Variants in SYNJ1 observed in about 807,000 individuals in gnomAD.
The protein encoded by SYNJ1 is synaptojanin 1.
In SYNJ1, 78 loss-of-function variants were observed where a neutral mutation model predicts 168.2. The ratio of observed to expected loss-of-function variants is 0.46; its 90% CI spans 0.39 to 0.56. SYNJ1 has a LOEUF of 0.56. Ranked by LOEUF, SYNJ1 falls within the 20% of genes least tolerant of loss-of-function variation. SYNJ1 has a pLI of 0.00. For missense variants in SYNJ1, 1,303 were observed against 1,597.6 expected (o/e 0.82, Z 3.14); for synonymous variants, 539 against 548.6 (o/e 0.98, Z 0.24).
At chr21:32,690,298 C>G (rs2041975717) in intron 6 of SYNJ1, among the ~76,000 whole-genome samples, 1 of 152,216 alleles carries the variant, frequency 6.6e-6, no homozygotes, top group East Asian at 1.9e-4. Flanking sequence ...GCCTCGACCT[C>G]CTGGGCTCAA....
intron 2 of SYNJ1, among the ~76,000 whole-genome samples, chr21:32,708,532 T>G (rs1404442924): frequency 3.3e-5 from 5 of 152,242 alleles, no homozygotes; most frequent in African/African-American, 1.2e-4. Flanking sequence ...GGAGTGATTC[T>G]GAGCCCATCA....
At chr21:32,653,138 T>C (rs1209454706) in intron 22 of SYNJ1, 150 bp downstream of exon 22, 1 of 617,942 alleles carries the variant, frequency 1.6e-6, no homozygotes, top group Non-Finnish European at 2.7e-6. Context: ...AAATCCAGTC[T>C]AAATAAAAAA....
intron 26 of SYNJ1, among the ~76,000 whole-genome samples, chr21:32,644,187 G>C (rs1398698141): frequency 6.6e-6 from 1 of 151,796 alleles, no homozygotes; most frequent in Non-Finnish European, 1.5e-5. Flanking sequence ...CTTGAAAAGG[G>C]AAAAATTAAA....
chr21:32,663,968 ATAAT>A (rs904380862), intron 18 of SYNJ1, among the ~76,000 whole-genome samples: 3 of 152,248 alleles, frequency 2.0e-5, no homozygotes, highest in African/African-American at 7.2e-5. Context: ...AGTTGAAGAC[ATAAT>A]TAGAGATATG....
intron 2 of SYNJ1, among the ~76,000 whole-genome samples, chr21:32,725,225 G>A (rs1331358932): frequency 6.6e-6 from 1 of 152,028 alleles, no homozygotes; most frequent in Admixed American, 6.5e-5. Context: ...GTCAGGTAAC[G>A]TCACCAAAAA....
chr21:32,699,885 A>T lies in SYNJ1; in HGVS notation c.432T>A (p.Asn144Lys). The T allele has an allele frequency of 6.2e-7, 1 of 1,614,182 alleles. No individual in the cohort carries two copies. Among genetic ancestry groups the T allele is most frequent in the Non-Finnish European group, 8.5e-7 (1 of 1,180,016 alleles). ...TCTGTTCTTGCATGCTACGATGCGC[A>T]TTAAGACTCAAATCTAAACTGATGC... ...ASGISLDLSLNAHRSMQEQTT... is the reference protein window; with the variant it reads ...ASGISLDLSLKAHRSMQEQTT... The change falls in exon 4 of 33, where the codon AAT (asparagine) becomes AAA (lysine). Residue 144 changes from asparagine to lysine, a missense_variant. Asn to Lys is a moderately conservative substitution (Grantham distance 94). Coordinates refer to ENST00000674351, the MANE Select transcript of SYNJ1 (RefSeq NM_203446.3).
intron 4 of SYNJ1, among the ~76,000 whole-genome samples, chr21:32,697,792 C>T (rs556773745): frequency 6.6e-6 from 1 of 152,328 alleles, no homozygotes; most frequent in South Asian, 2.1e-4. Flanking sequence ...CAGAGTGACA[C>T]TCAAAAAAAT....
intron 2 of SYNJ1, among the ~76,000 whole-genome samples, chr21:32,721,748 T>C (rs1000297141): frequency 9.2e-5 from 14 of 152,180 alleles, no homozygotes; most frequent in East Asian, 1.9e-4. Flanking sequence ...ACATTTATCA[T>C]AGACATTTCA....
chr21:32,721,580 G>A (rs1195827064), intron 2 of SYNJ1, among the ~76,000 whole-genome samples: 1 of 151,998 alleles, frequency 6.6e-6, no homozygotes, highest in Non-Finnish European at 1.5e-5. Context: ...TCAGGAGGCT[G>A]AGGCAGGAGA....
chr21:32,690,493 T>C (rs1465393051), intron 6 of SYNJ1, among the ~76,000 whole-genome samples: 1 of 152,200 alleles, frequency 6.6e-6, no homozygotes, highest in Non-Finnish European at 1.5e-5. Context: ...TATTACTCAA[T>C]GTTGAAAGAA....
intron 31 of SYNJ1, among the ~76,000 whole-genome samples, chr21:32,638,312 C>T (rs1569024787): frequency 6.6e-6 from 1 of 152,166 alleles, no homozygotes; most frequent in Non-Finnish European, 1.5e-5. Flanking sequence ...GGGATCTGCC[C>T]ACCTCAGCCT....
chr21:32,687,186 A>G, intron 7 of SYNJ1, 112 bp from the exon 8 acceptor site: 1 of 568,796 alleles, frequency 1.8e-6, no homozygotes, highest in Non-Finnish European at 2.8e-6. Context: ...TAAACACAGA[A>G]TTGGAAAACT....
At chr21:32,636,391 G>C (rs757795704) in intron 31 of SYNJ1, among the ~76,000 whole-genome samples, 4 of 152,080 alleles carry the variant, frequency 2.6e-5, no homozygotes, top group Admixed American at 2.0e-4. Flanking sequence ...AAAGTCAAAG[G>C]ATAAATAATA....
Position 32,653,343 on chromosome 21 carries a change from A to G in SYNJ1, c.2819T>C (p.Val940Ala). The G allele has an allele frequency of 6.2e-7, 1 of 1,613,212 alleles. No individual in the cohort carries two copies. The highest frequency in any genetic ancestry group is 8.5e-7 in the Non-Finnish European group (1 of 1,179,210). Residue 940 changes from valine to alanine, a missense_variant, in exon 22 of 33, where the codon GTT (valine) becomes GCT (alanine). By Grantham distance (64) the Val-to-Ala change is moderately conservative. Transcript: ENST00000674351. ...LIRFVEDKMW[V>A]TFLEGSSALN... ...GGCAGAGCTTCCCTCCAAAAATGTA[A>G]CCCACATTTTATCTTCTACAAATCT...
At chr21:32,698,467 A>G (rs2042286556) in intron 4 of SYNJ1, among the ~76,000 whole-genome samples, 1 of 152,186 alleles carries the variant, frequency 6.6e-6, no homozygotes, top group Admixed American at 6.5e-5. Flanking sequence ...TTGAATCTGA[A>G]CTGTTAAGGG....
At chr21:32,726,400 A>C (rs1299463206) in intron 2 of SYNJ1, among the ~76,000 whole-genome samples, 1 of 152,238 alleles carries the variant, frequency 6.6e-6, no homozygotes, top group East Asian at 1.9e-4. Flanking sequence ...ATAATATTAG[A>C]TAATACCTAC....
intron 6 of SYNJ1, among the ~76,000 whole-genome samples, chr21:32,693,480 G>C (rs1031948918): frequency 9.2e-4 from 140 of 152,244 alleles, no homozygotes; most frequent in African/African-American, 3.2e-3. Context: ...ACCAGTCTAA[G>C]ATGTAAGAGA....
Position 32,657,117 on chromosome 21 carries a change from TCAG to T in SYNJ1, c.2462_2464del (p.Ala821del). 1 of 1,588,680 alleles carries T rather than the reference TCAG, an allele frequency of 6.3e-7. No homozygotes were observed. Among genetic ancestry groups the T allele is most frequent in the Non-Finnish European group, 8.6e-7 (1 of 1,156,998 alleles). On this transcript the variant is annotated inframe_deletion and splice_region_variant, in exon 20 of 33. Transcript: ENST00000674351. ...ACTAGCATTTAGAAGATCTAGATCT[TCAG>T]CTGCAGTCAGAAGAAATGAAAACAC...
At chr21:32,680,567 C>T (rs1226805710) in intron 11 of SYNJ1, among the ~76,000 whole-genome samples, 2 of 151,664 alleles carry the variant, frequency 1.3e-5, no homozygotes, top group African/African-American at 2.4e-5. Flanking sequence ...GTAGATAATA[C>T]CAGGAAATAA....
Sources: gnomAD v4.1 joint callset for allele counts (sites outside exome capture counted in the v4.1 genomes callset) on GRCh38, gnomAD v4.1.1 for gene constraint, MANE v1.5 for transcripts, NCBI Gene and HGNC (gene_info 2026-07-23, HGNC 2026-07-21) for gene names.